Variants in RAVER2 observed in about 807,000 individuals in gnomAD.
RAVER2 encodes the protein ribonucleoprotein PTB-binding 2.
RAVER2 carries 46 observed loss-of-function variants against 78.1 expected under a neutral mutation model. The ratio of observed to expected loss-of-function variants is 0.59; its 90% confidence interval spans 0.46 to 0.75. The LOEUF (loss-of-function observed/expected upper bound fraction) is 0.75. Among genes scored for constraint, RAVER2 ranks in the 30% least tolerant of loss-of-function variants. RAVER2 has a pLI of 0.00. For synonymous variants in RAVER2, 311 were observed against 313.3 expected (o/e 0.99, Z 0.08); for missense variants, 793 against 837.5 (o/e 0.95, Z 0.66).
intron 11 of RAVER2, among the ~76,000 whole-genome samples, chr1:64,820,435 G>A (rs1032698979): frequency 6.6e-6 from 1 of 151,894 alleles, no homozygotes; most frequent in Non-Finnish European, 1.5e-5. Context: ...TTTAGGTTTG[G>A]GGGTACACGT....
At chr1:64,789,366 C>G in intron 4 of RAVER2, 22 bp from the exon 5 acceptor site, 1 of 1,563,412 alleles carries the variant, frequency 6.4e-7, no homozygotes, top group Non-Finnish European at 8.7e-7. Context: ...TCTAATGTTT[C>G]TTATTTCTAT....
chr1:64,762,291 C>A (rs955392287), intron 1 of RAVER2, among the ~76,000 whole-genome samples: 1 of 151,860 alleles, frequency 6.6e-6, no homozygotes, highest in Admixed American at 6.6e-5. Context: ...AATGGAAGAA[C>A]ATTCCACATT....
rs1232067519 is a variant in RAVER2 at position 64,805,113 on chromosome 1, A to G, written c.1411+8A>G. On this transcript the variant is annotated splice_region_variant and intron_variant, in intron 8 of 11. Coordinates refer to ENST00000294428, the Ensembl canonical transcript of RAVER2. The stretch of plus-strand genomic sequence containing the variant: ...ATGGAGAAGCACATAAAAGTAAATG[A>G]TGTGTATTTACTGAGAAGTCAGTAA... 3 of 1,599,978 alleles carry G rather than the reference A, an allele frequency of 1.9e-6. No individual in the cohort carries two copies. Among genetic ancestry groups the G allele is most frequent in the Non-Finnish European group, 8.6e-7 (1 of 1,167,226 alleles).
At chr1:64,752,380 C>G (rs1651724649) in intron 1 of RAVER2, among the ~76,000 whole-genome samples, 1 of 152,216 alleles carries the variant, frequency 6.6e-6, no homozygotes, top group Admixed American at 6.5e-5. Flanking sequence ...GTTATCATAA[C>G]CATTCTTCTT....
chr1:64,785,367 CTTTTTTTT>C (rs67544814), intron 4 of RAVER2, among the ~76,000 whole-genome samples: 1 of 129,660 alleles, frequency 7.7e-6, no homozygotes, highest in East Asian at 2.2e-4. Context: ...CTGTCCCTAA[CTTTTTTTT>C]TTTTTTTTTT....
At chr1:64,765,405 C>T (rs1405551846) in intron 1 of RAVER2, among the ~76,000 whole-genome samples, 2 of 152,162 alleles carry the variant, frequency 1.3e-5, no homozygotes, top group Non-Finnish European at 2.9e-5. Flanking sequence ...ACTATAGTCA[C>T]AGAATGGCAT....
At chr1:64,829,159 A>G (rs1654066935) in intron 11 of RAVER2, among the ~76,000 whole-genome samples, 1 of 152,250 alleles carries the variant, frequency 6.6e-6, no homozygotes. Flanking sequence ...GGCTTCTGAC[A>G]GTGAAGATGG....
chr1:64,803,481 T>C (rs1653327293), intron 6 of RAVER2, among the ~76,000 whole-genome samples: 1 of 152,146 alleles, frequency 6.6e-6, no homozygotes, highest in Non-Finnish European at 1.5e-5. Context: ...TAGAGTATGT[T>C]TCCTACCTTT....
At chr1:64,824,699 G>A (rs1377544187) in intron 11 of RAVER2, among the ~76,000 whole-genome samples, 1 of 152,086 alleles carries the variant, frequency 6.6e-6, no homozygotes, top group Non-Finnish European at 1.5e-5. Context: ...GGAGGCTGAG[G>A]TGGGTGGATC....
intron 1 of RAVER2, among the ~76,000 whole-genome samples, chr1:64,767,068 G>A (rs550312158): frequency 6.6e-6 from 1 of 152,140 alleles, no homozygotes; most frequent in South Asian, 2.1e-4. Context: ...TGGTAATAAA[G>A]AATACTAAAT....
intron 2 of RAVER2, among the ~76,000 whole-genome samples, chr1:64,773,012 AAGCT>A (rs1388185315): frequency 2.6e-5 from 4 of 152,044 alleles, no homozygotes; most frequent in Non-Finnish European, 5.9e-5. Flanking sequence ...AAAAAAGAAA[AAGCT>A]AGAGGACTGA....
At chr1:64,761,528 C>T (rs1200252977) in intron 1 of RAVER2, among the ~76,000 whole-genome samples, 3 of 152,078 alleles carry the variant, frequency 2.0e-5, no homozygotes, top group African/African-American at 7.2e-5. Flanking sequence ...ACTCATACAT[C>T]GTAATACTTA....
rs889496824 is a variant in RAVER2, at chr1:64,745,441, G to C, written c.249+20G>C. The C allele has an allele frequency of 1.4e-5, 21 of 1,515,294 alleles. No homozygotes were observed. Among genetic ancestry groups the C allele is most frequent in the Non-Finnish European group, 1.9e-5 (21 of 1,125,822 alleles). 93.9% of individuals were successfully genotyped at this position (1,515,294 alleles called of 1,614,324 possible). On this transcript the variant is annotated intron_variant, in intron 1 of 11. Transcript: ENST00000294428. This position sits in a 1 kb window ranked among gnomAD's most constrained non-coding sequence, Gnocchi z 4.3. ...TGCCAGGTACTGGGACGGTGATAGGGGCGACGCGTCCCGAGGGGCGGCGGG... is the reference window on the plus strand; with the variant it reads ...TGCCAGGTACTGGGACGGTGATAGGCGCGACGCGTCCCGAGGGGCGGCGGG...
At chr1:64,757,893 TG>T (rs780064567) in intron 1 of RAVER2, among the ~76,000 whole-genome samples, 5 of 152,328 alleles carry the variant, frequency 3.3e-5, no homozygotes, top group Admixed American at 2.0e-4. Context: ...TCATCTGAAG[TG>T]AAAAGTTTGG....
Position 64,745,438 on chromosome 1 carries a change from A to G in RAVER2, c.249+17A>G. 6.6e-7 allele frequency: 1 copy of G among 1,510,036 alleles called. No individual in the cohort carries two copies. 93.5% of individuals were successfully genotyped at this position (1,510,036 alleles called of 1,614,324 possible). On this transcript the variant is annotated intron_variant, in intron 1 of 11. Transcript: ENST00000294428. This position sits in a 1 kb window ranked among gnomAD's most constrained non-coding sequence, Gnocchi z 4.3. ...AACTGCCAGGTACTGGGACGGTGATAGGGGCGACGCGTCCCGAGGGGCGGC... is the reference window on the plus strand; with the variant it reads ...AACTGCCAGGTACTGGGACGGTGATGGGGGCGACGCGTCCCGAGGGGCGGC...
intron 9 of RAVER2, 74 bp from the exon 10 acceptor site, chr1:64,812,664 G>A (rs576826182): frequency 8.7e-6 from 8 of 922,676 alleles, no homozygotes; most frequent in Middle Eastern, 4.5e-4. Flanking sequence ...TGAAAAATAA[G>A]TATTTCTCTA....
intron 2 of RAVER2, among the ~76,000 whole-genome samples, chr1:64,773,123 G>A (rs541503184): frequency 2.0e-5 from 3 of 152,216 alleles, no homozygotes; most frequent in East Asian, 3.9e-4. Flanking sequence ...TTAATTCCCA[G>A]GTTTCCAATT....
intron 5 of RAVER2, among the ~76,000 whole-genome samples, chr1:64,797,053 C>T (rs1318200622): frequency 3.3e-5 from 5 of 152,090 alleles, no homozygotes; most frequent in African/African-American, 9.7e-5. Flanking sequence ...ATTTAATTCA[C>T]TTATAGACAG....
intron 4 of RAVER2, among the ~76,000 whole-genome samples, chr1:64,783,850 G>T (rs911967577): frequency 1.8e-4 from 28 of 152,310 alleles, no homozygotes; most frequent in African/African-American, 6.5e-4. Flanking sequence ...AAACTAAAGA[G>T]CTTCTGCACA....
Sources: gnomAD v4.1 joint callset for allele counts (sites outside exome capture counted in the v4.1 genomes callset) on GRCh38, gnomAD v4.1.1 for gene constraint, Gnocchi (gnomAD v3.1) non-coding constraint, MANE v1.5 for transcripts, NCBI Gene and HGNC (gene_info 2026-07-23, HGNC 2026-07-21) for gene names.